Variants in IQCH observed in about 807,000 individuals in gnomAD.
IQCH encodes the protein IQ domain-containing protein H.
A neutral mutation model predicts 117.0 loss-of-function variants in IQCH; 98 were observed. The observed-to-expected ratio is 0.84, with a 90% confidence interval of 0.71 to 0.99. IQCH has a LOEUF of 0.99. Ranked by LOEUF, IQCH falls within the 50% of genes least tolerant of loss-of-function variation. The pLI, the probability that IQCH is intolerant of heterozygous loss-of-function variation, is 0.00. For missense variants in IQCH, 1,102 were observed against 1,243.8 expected (o/e 0.89, Z 1.72); for synonymous variants, 412 against 448.2 (o/e 0.92, Z 1.02).
intron 6 of IQCH, 87 bp from the exon 7 acceptor site, chr15:67,357,258 A>G (rs1969927009): frequency 1.2e-6 from 1 of 844,826 alleles, no homozygotes; most frequent in East Asian, 2.4e-5. Context: ...GAGCCATTTG[A>G]CTTTCAAGGT....
At chr15:67,270,342 T>C (rs546543816) in intron 3 of IQCH, among the ~76,000 whole-genome samples, 41 of 152,376 alleles carry the variant, frequency 2.7e-4, no homozygotes, top group Admixed American at 1.6e-3. Flanking sequence ...TTTAGTATGA[T>C]GTTGGCTATG....
At position 67,372,551 on chromosome 15, in the gene IQCH, A is replaced by T; in HGVS notation, c.1194A>T (p.Ala398=). The change falls in exon 9 of 21, where the codon GCA becomes GCT. Residue 398 remains alanine (A), a synonymous_variant. Coordinates refer to ENST00000335894, the MANE Select transcript of IQCH (RefSeq NM_001031715.3). ...FFLFYRQQKW[A]SGVIAIAWLL... ...TCTTTTATCGCCAGCAGAAGTGGGCATCAGGTGTGATTGCCATTGCTTGGC... is the reference window on the plus strand; with the variant it reads ...TCTTTTATCGCCAGCAGAAGTGGGCTTCAGGTGTGATTGCCATTGCTTGGC... The T allele has an allele frequency of 6.2e-7, 1 of 1,614,136 alleles. No individual in the cohort carries two copies. Among genetic ancestry groups the T allele is most frequent in the Non-Finnish European group, 8.5e-7 (1 of 1,180,004 alleles).
At chr15:67,499,697 C>T (rs1304977309) in intron 20 of IQCH, among the ~76,000 whole-genome samples, 1 of 152,004 alleles carries the variant, frequency 6.6e-6, no homozygotes, top group Non-Finnish European at 1.5e-5. Context: ...TTAGAAACAA[C>T]CCAAGTGTCC....
At chr15:67,487,638 A>G (rs887318341) in intron 18 of IQCH, among the ~76,000 whole-genome samples, 1 of 152,138 alleles carries the variant, frequency 6.6e-6, no homozygotes, top group Non-Finnish European at 1.5e-5. Context: ...GGCCCACCCG[A>G]GACCAAGTAA....
Position 67,372,667 on chromosome 15 carries a change from A to G in IQCH, c.1305+5A>G. The G allele has an allele frequency of 1.3e-6, 2 of 1,594,250 alleles. No individual in the cohort carries two copies. Among genetic ancestry groups the G allele is most frequent in the Non-Finnish European group, 8.5e-7 (1 of 1,170,014 alleles). On this transcript the variant is annotated splice_donor_5th_base_variant and intron_variant, in intron 9 of 20. Transcript: ENST00000335894. ...AATTTTCGCATTCGAGCCAAGGTGC[A>G]CAAGGCTGCCAGCTGTTAAGGCAGA...
At chr15:67,367,444 T>A (rs1044279495) in intron 8 of IQCH, among the ~76,000 whole-genome samples, 1 of 151,836 alleles carries the variant, frequency 6.6e-6, no homozygotes, top group African/African-American at 2.4e-5. Flanking sequence ...GAAGCTGAGG[T>A]GAGAGGATCA....
At chr15:67,271,842 G>A (rs1173172920) in intron 3 of IQCH, among the ~76,000 whole-genome samples, 1 of 151,788 alleles carries the variant, frequency 6.6e-6, no homozygotes. Flanking sequence ...AAGGTTTGTT[G>A]ATTGTCTTTA....
chr15:67,368,860 G>A (rs71400367), intron 8 of IQCH, among the ~76,000 whole-genome samples: 5,972 of 152,136 alleles, frequency 0.039, 214 homozygotes, highest in South Asian at 0.17. Context: ...GATTTTCTTT[G>A]TGGTAGTTAT....
At position 67,476,490 on chromosome 15, in the gene IQCH, A is replaced by G. The variant is rs1187114373; in HGVS notation, c.2799+672A>G. On this transcript the variant is annotated intron_variant, in intron 18 of 20. Transcript: ENST00000335894. The surrounding 1 kb of genome is among the most constrained non-coding windows in gnomAD (Gnocchi z 4.1). ...CCTAGCTCCAATACAGTCACTTGGA[A>G]GGTCAGGACACAATTCAGTCCATAG... Among the ~76,000 whole-genome samples, 1 of 152,218 alleles carries G rather than the reference A, an allele frequency of 6.6e-6. No homozygotes were observed. Among genetic ancestry groups the G allele is most frequent in the Non-Finnish European group, 1.5e-5 (1 of 68,032 alleles).
chr15:67,310,858 G>A (rs574445835), intron 4 of IQCH, among the ~76,000 whole-genome samples: 7 of 152,118 alleles, frequency 4.6e-5, no homozygotes, highest in Non-Finnish European at 1.0e-4. Flanking sequence ...GTGACTGTCT[G>A]AAAGAGAAGG....
Position 67,472,300 on chromosome 15 carries a change from G to A in IQCH, c.2677-3396G>A, listed in dbSNP as rs560662662. Among the ~76,000 whole-genome samples the A allele has an allele frequency of 1.1e-4, 16 of 152,308 alleles. No individual in the cohort carries two copies. The South Asian group carries it at 3.1e-3, about 30-fold the overall frequency. ...GACTGGAGCACAGAACTGGGGAAGT[G>A]GGAAGCAGGAGAAGTAGTTGGAAGG... On this transcript the variant is annotated intron_variant, in intron 17 of 20. Transcript: ENST00000335894. This position sits in a 1 kb window ranked among gnomAD's most constrained non-coding sequence, Gnocchi z 4.3.
intron 13 of IQCH, among the ~76,000 whole-genome samples, chr15:67,399,090 A>G (rs2140863525): frequency 6.6e-6 from 1 of 152,104 alleles, no homozygotes; most frequent in South Asian, 2.1e-4. Context: ...TTCTTTCTCT[A>G]CTTCACCCTT....
intron 17 of IQCH, among the ~76,000 whole-genome samples, chr15:67,468,953 T>G (rs938772239): frequency 3.3e-5 from 5 of 152,248 alleles, no homozygotes; most frequent in Non-Finnish European, 2.9e-5. Flanking sequence ...TGTTCCACAC[T>G]TCAAGTGCTG....
At chr15:67,419,695 A>G (rs1218209764) in intron 15 of IQCH, among the ~76,000 whole-genome samples, 2 of 152,138 alleles carry the variant, frequency 1.3e-5, no homozygotes, top group Non-Finnish European at 2.9e-5. Flanking sequence ...CTGGTACTAC[A>G]GGCGCACACC....
chr15:67,400,266 C>G lies in IQCH; in HGVS notation c.2058C>G (p.Ser686Arg). Residue 686 changes from serine to arginine, a missense_variant, in exon 14 of 21, where the codon AGC (serine) becomes AGG (arginine). Coordinates refer to ENST00000335894, the MANE Select transcript of IQCH (RefSeq NM_001031715.3). ...ACAAATGGGTGCTAAAGGAGAGTAG[C>G]AGATATGGCCTTGAAGACTGGAGAA... ...KCYKWVLKES[S>R]RYGLEDWRKK... is the part of the protein sequence containing the mutation. 6.2e-7 allele frequency: 1 copy of G among 1,613,582 alleles called. No homozygotes were observed.
In IQCH at chr15:67,431,053, G is replaced by A. The variant is rs2082008661; in HGVS notation, c.2505+9476G>A. ...TTGAGCCGAAAGAAAATTAGGATAT[G>A]AGGAGGGTAAGAAAGAGTGTATTCC... is the stretch of plus-strand genomic sequence containing the variant. On this transcript the variant is annotated intron_variant, in intron 16 of 20. Coordinates refer to ENST00000335894, the MANE Select transcript of IQCH (RefSeq NM_001031715.3). The surrounding 1 kb of genome is among the most constrained non-coding windows in gnomAD (Gnocchi z 4.8). Among the ~76,000 whole-genome samples the A allele has an allele frequency of 6.6e-6, 1 of 152,200 alleles. No homozygotes were observed. Among genetic ancestry groups the A allele is most frequent in the Non-Finnish European group, 1.5e-5 (1 of 68,040 alleles).
rs183634788 is a variant in IQCH, at chr15:67,465,139, G to C, written c.2518G>C (p.Gly840Arg). 5.6e-6 allele frequency: 9 copies of C among 1,613,910 alleles called. No individual in the cohort carries two copies. The highest frequency in any genetic ancestry group is 3.3e-5 in the South Asian group (3 of 91,028). ...CTGTTTTAATCAGGTGTGGGCAACC[G>C]GCCTTAACCTCGCATATAGTGACCA... ...STLEQQVWAT[G>R]LNLAYSDQLA... is the part of the protein sequence containing the mutation. Residue 840 changes from glycine to arginine, a missense_variant, in exon 17 of 21, where the codon GGC becomes CGC. Physicochemically the swap from Gly to Arg is moderately radical, Grantham distance 125. Transcript: ENST00000335894. The surrounding 1 kb of genome is among the most constrained non-coding windows in gnomAD (Gnocchi z 5.9).
At position 67,421,313 on chromosome 15, in the gene IQCH, A is replaced by G. The variant is rs147085480; in HGVS notation, c.2241A>G (p.Pro747=). 6.2e-7 allele frequency: 1 copy of G among 1,614,080 alleles called. No homozygotes were observed. The highest frequency in any genetic ancestry group is 1.7e-5 in the Admixed American group (1 of 60,018). ...CAGGGGGTGTGATCGAAGCATTCCC[A>G]CCTGCAGACAATGTCACCAACCTCA... ...LSQGGVIEAF[P]PADNVTNLTV... Residue 747 remains proline, a synonymous_variant, in exon 16 of 21, where the codon CCA becomes CCG. Transcript: ENST00000335894.
At chr15:67,451,649 T>G (rs2082530489) in intron 16 of IQCH, among the ~76,000 whole-genome samples, 1 of 152,176 alleles carries the variant, frequency 6.6e-6, no homozygotes, top group African/African-American at 2.4e-5. Flanking sequence ...TCCAACTGTG[T>G]GGTCAATTTT....
Sources: allele counts gnomAD v4.1 joint callset (sites outside exome capture counted in the v4.1 genomes callset), GRCh38; gene constraint gnomAD v4.1.1; non-coding constraint Gnocchi (gnomAD v3.1); transcripts MANE v1.5; gene names NCBI Gene and HGNC (gene_info 2026-07-23, HGNC 2026-07-21).